MYOM1: variants seen among roughly 807,000 people sequenced by gnomAD.
MYOM1 encodes myomesin-1.
MYOM1 carries 164 observed loss-of-function variants against 205.3 expected under a neutral mutation model. The observed-to-expected ratio is 0.80, with a 90% CI of 0.70 to 0.91. MYOM1 has a LOEUF of 0.91. Among genes scored for constraint, MYOM1 ranks in the 40% least tolerant of loss-of-function variants. MYOM1 has a pLI of 0.00. For missense variants in MYOM1, 2,011 were observed against 2,127.3 expected, an observed-to-expected ratio of 0.95 and a Z score of 1.08; for synonymous variants, 772 against 789.4, an observed-to-expected ratio of 0.98 and a Z score of 0.37.
the MYOM1 span, among the ~76,000 whole-genome samples, chr18:3,234,987 C>T: frequency 6.6e-6 from 1 of 151,616 alleles, no homozygotes; most frequent in African/African-American, 2.4e-5. Flanking sequence ...GAACTCCTGG[C>T]CTCAAGCAGT....
intron 22 of MYOM1, among the ~76,000 whole-genome samples, chr18:3,109,610 A>G (rs1193949835): frequency 2.0e-5 from 3 of 152,200 alleles, no homozygotes; most frequent in Non-Finnish European, 4.4e-5. Flanking sequence ...GAAGAACTTA[A>G]CTAAGATCTC....
chr18:3,066,873 C>A lies in MYOM1; in HGVS notation c.*389G>T. On this transcript the variant is annotated 3_prime_UTR_variant, in exon 38 of 38. Transcript: ENST00000356443. ...AGGAGGTTCCAAGCCACGAGGCGCC[C>A]GTCGAAAAGCACATCACCTCTGTAA... 5.5e-6 allele frequency: 1 copy of A among 180,186 alleles called. No homozygotes were observed. Among genetic ancestry groups the A allele is most frequent in the Non-Finnish European group, 1.2e-5 (1 of 83,650 alleles). 11.2% of individuals were successfully genotyped at this position (180,186 alleles called of 1,614,324 possible).
intron 19 of MYOM1, among the ~76,000 whole-genome samples, chr18:3,123,655 G>A (rs1322133489): frequency 6.7e-6 from 1 of 149,072 alleles, no homozygotes; most frequent in Non-Finnish European, 1.5e-5. Context: ...CTTTTGTTTT[G>A]TCTTACTTAT....
rs558965614 is a variant in MYOM1 at position 3,187,549 on chromosome 18, G to A, written c.860C>T (p.Thr287Met). The A allele has an allele frequency of 5.2e-5, 84 of 1,613,742 alleles. 1 individual carries two copies. Among genetic ancestry groups the A allele is most frequent in the South Asian group, 1.3e-4 (12 of 91,086 alleles). The change falls in exon 5 of 38, where the codon ACG (threonine) becomes ATG (methionine). Residue 287 changes from threonine (T) to methionine (M), a missense_variant. Transcript: ENST00000356443. ...PEFIIKPRSH[T>M]VWEKENVKLH... ...TTTTACATTCTCCTTCTCCCAAACCGTGTGGGAGCGAGGTTTAATGATAAA... is the reference window on the plus strand; with the variant it reads ...TTTTACATTCTCCTTCTCCCAAACCATGTGGGAGCGAGGTTTAATGATAAA...
intron 25 of MYOM1, among the ~76,000 whole-genome samples, chr18:3,094,731 G>A (rs1254274850): frequency 6.6e-6 from 1 of 151,106 alleles, no homozygotes; most frequent in African/African-American, 2.4e-5. Context: ...GCATGATCTC[G>A]GCTCACTGCA....
chr18:3,230,629 C>T, the MYOM1 span, among the ~76,000 whole-genome samples: 3 of 152,142 alleles, frequency 2.0e-5, no homozygotes, highest in South Asian at 6.2e-4. Flanking sequence ...CTGATTGGCC[C>T]TCTCCTGCAA....
intron 1 of MYOM1, among the ~76,000 whole-genome samples, chr18:3,215,780 A>G (rs1054586592): frequency 6.6e-6 from 1 of 151,996 alleles, no homozygotes; most frequent in Non-Finnish European, 1.5e-5. Context: ...TCCTAGAAAA[A>G]CAAAGTTTTT....
chr18:3,080,961 G>A (rs529863477), intron 33 of MYOM1, among the ~76,000 whole-genome samples: 25 of 151,948 alleles, frequency 1.6e-4, no homozygotes, highest in South Asian at 1.0e-3. Context: ...GTGAAACCTC[G>A]TCTTTACTAA....
chr18:3,094,393 A>AC, intron 25 of MYOM1, 87 bp from the exon 26 acceptor site: 1 of 1,177,046 alleles, frequency 8.5e-7, no homozygotes, highest in Non-Finnish European at 1.2e-6. Flanking sequence ...AAAAAAAAAA[A>AC]ACCACACAAT....
chr18:3,126,520 G>A (rs2079785844), intron 19 of MYOM1, among the ~76,000 whole-genome samples, 181 bp downstream of exon 19: 1 of 152,018 alleles, frequency 6.6e-6, no homozygotes, highest in Admixed American at 6.6e-5. Flanking sequence ...ATCCTGCCTG[G>A]TTAGCCAAAC....
At chr18:3,208,077 T>C (rs150701571) in intron 2 of MYOM1, among the ~76,000 whole-genome samples, 194 of 152,304 alleles carry the variant, frequency 1.3e-3, no homozygotes, top group Non-Finnish European at 2.0e-3. Context: ...AATTGCCAAT[T>C]ATGTGAACCT....
intron 34 of MYOM1, among the ~76,000 whole-genome samples, chr18:3,078,127 C>T (rs759570177): frequency 6.8e-4 from 104 of 152,028 alleles, no homozygotes; most frequent in Non-Finnish European, 1.1e-3. Flanking sequence ...CTGCAACCTC[C>T]GCCACATGGG....
intron 14 of MYOM1, among the ~76,000 whole-genome samples, chr18:3,136,697 G>A (rs2079971476): frequency 6.6e-6 from 1 of 152,182 alleles, no homozygotes; most frequent in Non-Finnish European, 1.5e-5. Context: ...CCACAGGCAT[G>A]AGCCACTGCA....
Position 3,215,073 on chromosome 18 carries a change from A to C in MYOM1, c.151T>G (p.Ser51Ala), listed in dbSNP as rs1301839662. The change falls in exon 2 of 38, where the codon TCC becomes GCC. Residue 51 changes from serine to alanine, a missense_variant. Ser to Ala is a moderately conservative substitution (Grantham distance 99). Transcript: ENST00000356443. ...QGSTAYSSRS[S>A]AAHRRESEAF... ...TCGGACTCCCGGCGGTGCGCGGCGG[A>C]GGAGCGGCTGCTGTAGGCCGTGGAG... The C allele has an allele frequency of 6.2e-7, 1 of 1,613,640 alleles. No homozygotes were observed. The highest frequency in any genetic ancestry group is 8.5e-7 in the Non-Finnish European group (1 of 1,179,820).
intron 9 of MYOM1, among the ~76,000 whole-genome samples, chr18:3,167,750 T>C (rs1038442899): frequency 2.0e-5 from 3 of 152,244 alleles, no homozygotes; most frequent in Admixed American, 6.5e-5. Flanking sequence ...CTTGTTTTGA[T>C]AGCTTCTTCA....
chr18:3,128,386 T>TCAG (rs1389480957), intron 18 of MYOM1, among the ~76,000 whole-genome samples: 3 of 152,212 alleles, frequency 2.0e-5, no homozygotes, highest in Non-Finnish European at 2.9e-5. Context: ...CACATGTGCT[T>TCAG]CAGTTCATTG....
intron 33 of MYOM1, among the ~76,000 whole-genome samples, chr18:3,080,116 T>C (rs2079067549): frequency 6.6e-6 from 1 of 152,288 alleles, no homozygotes; most frequent in Non-Finnish European, 1.5e-5. Context: ...GAAGAAGTTA[T>C]TAAAACTGAG....
intron 5 of MYOM1, among the ~76,000 whole-genome samples, chr18:3,181,206 A>G (rs11081022): frequency 0.025 from 3,849 of 152,258 alleles, 152 homozygotes; most frequent in African/African-American, 0.087. Context: ...GATTACAGGC[A>G]TGAACCACCA....
At chr18:3,194,075 T>A (rs2080959324) in intron 2 of MYOM1, 117 bp from the exon 3 acceptor site, 1 of 995,482 alleles carries the variant, frequency 1.0e-6, no homozygotes, top group East Asian at 2.6e-5. Flanking sequence ...ATCTCTAATG[T>A]TACAATTATC....
Sources: gnomAD v4.1 joint callset for allele counts (sites outside exome capture counted in the v4.1 genomes callset) on GRCh38, gnomAD v4.1.1 for gene constraint, MANE v1.5 for transcripts, NCBI Gene and HGNC (gene_info 2026-07-23, HGNC 2026-07-21) for gene names.